CCSER1: variants seen among roughly 807,000 people sequenced by gnomAD.
The protein encoded by CCSER1 is serine-rich coiled-coil domain-containing protein 1.
CCSER1 carries 41 observed loss-of-function variants against 82.0 expected under a neutral mutation model. That is an observed-to-expected ratio of 0.50 (90% CI 0.39 to 0.65). CCSER1 has a LOEUF of 0.65. Ranked by LOEUF, CCSER1 falls within the 30% of genes least tolerant of loss-of-function variation. The probability of loss-of-function intolerance (pLI) is 0.00; values close to 1 mark genes in which losing one functional copy is unlikely to be tolerated. For synonymous variants in CCSER1, 414 were observed against 383.9 expected (o/e 1.08, Z -0.92); for missense variants, 1,119 against 1,064.2 (o/e 1.05, Z -0.72).
intron 4 of CCSER1, among the ~76,000 whole-genome samples, chr4:90,405,728 T>C (rs572005278): frequency 3.0e-4 from 46 of 152,108 alleles, no homozygotes; most frequent in Non-Finnish European, 6.5e-4. Flanking sequence ...AACAAAACAA[T>C]TATCAGACAA....
At chr4:91,425,589 A>C (rs1560660938) in intron 10 of CCSER1, among the ~76,000 whole-genome samples, 1 of 152,056 alleles carries the variant, frequency 6.6e-6, no homozygotes, top group Non-Finnish European at 1.5e-5. Context: ...CTTTAGGACA[A>C]AATGGTCACT....
intron 3 of CCSER1, among the ~76,000 whole-genome samples, chr4:90,335,723 A>G (rs1340025136): frequency 6.6e-6 from 1 of 152,208 alleles, no homozygotes; most frequent in East Asian, 1.9e-4. Context: ...GTGCACTTTT[A>G]GTAAATGGAT....
At position 90,662,000 on chromosome 4, in the gene CCSER1, C is replaced by CTTTCT. The variant is rs1553975492; in HGVS notation, c.1932+33771_1932+33772insCTTTT. Among the ~76,000 whole-genome samples, 437 of 136,166 alleles carry CTTTCT rather than the reference C, an allele frequency of 3.2e-3. 17 individuals are homozygous for CTTTCT. The East Asian group carries it at 0.089, about 28-fold the overall frequency. 89.3% of individuals were successfully genotyped at this position (136,166 alleles called of 152,430 possible). A position where few individuals can be genotyped will look rare whatever the true frequency, so the allele number is the denominator to read the frequency against. ...TATACCACTCTTTGTTTCTTTCTTTCTTTTTTTTTTTTTTTTGAGACTTAG... is the reference window on the plus strand; with the variant it reads ...TATACCACTCTTTGTTTCTTTCTTTCTTTCTTTTTTTTTTTTTTTTTGAGACTTAG... On this transcript the variant is annotated intron_variant, in intron 6 of 10. Coordinates refer to ENST00000509176, the MANE Select transcript of CCSER1 (RefSeq NM_001145065.2).
At chr4:90,868,599 C>T (rs2150019714) in intron 8 of CCSER1, among the ~76,000 whole-genome samples, 1 of 152,180 alleles carries the variant, frequency 6.6e-6, no homozygotes, top group Admixed American at 6.6e-5. Flanking sequence ...ATCTGTTCCT[C>T]TGTCGATAGA....
chr4:91,299,387 A>G (rs1043903125), intron 10 of CCSER1, among the ~76,000 whole-genome samples: 4 of 151,982 alleles, frequency 2.6e-5, no homozygotes, highest in African/African-American at 7.2e-5. Flanking sequence ...GCCCAACTAT[A>G]CCTTTTTGGT....
chr4:91,044,663 C>A (rs1219854552), intron 9 of CCSER1, among the ~76,000 whole-genome samples: 1 of 152,108 alleles, frequency 6.6e-6, no homozygotes, highest in Non-Finnish European at 1.5e-5. Context: ...ACAAGTTTTT[C>A]TATTTGCCTG....
chr4:91,171,837 AAAT>A (rs539774136), intron 10 of CCSER1, among the ~76,000 whole-genome samples: 445 of 152,252 alleles, frequency 2.9e-3, no homozygotes, highest in African/African-American at 9.9e-3. Context: ...TCACCATGAA[AAAT>A]AATAATTTTG....
chr4:90,297,676 C>T (rs1160737666), intron 1 of CCSER1, among the ~76,000 whole-genome samples: 1 of 151,656 alleles, frequency 6.6e-6, no homozygotes, highest in East Asian at 1.9e-4. Flanking sequence ...CCATCAACAC[C>T]TAATTTATTG....
intron 10 of CCSER1, among the ~76,000 whole-genome samples, chr4:91,168,368 C>G (rs1732379428): frequency 6.8e-6 from 1 of 148,018 alleles, no homozygotes; most frequent in African/African-American, 2.5e-5. Context: ...CCCAGCCACC[C>G]CATCTGGGAT....
intron 10 of CCSER1, among the ~76,000 whole-genome samples, chr4:91,146,899 C>T (rs1487410332): frequency 6.6e-6 from 1 of 152,158 alleles, no homozygotes; most frequent in Non-Finnish European, 1.5e-5. Flanking sequence ...CAGCAATGCT[C>T]TGGGAAAGGG....
intron 5 of CCSER1, among the ~76,000 whole-genome samples, chr4:90,491,047 AT>A (rs1396989976): frequency 2.0e-5 from 3 of 152,136 alleles, no homozygotes; most frequent in African/African-American, 7.2e-5. Context: ...GTTTTTTCCA[AT>A]TCTGTGAAGA....
intron 10 of CCSER1, among the ~76,000 whole-genome samples, chr4:91,390,627 A>G (rs1048155015): frequency 6.6e-6 from 1 of 151,862 alleles, no homozygotes; most frequent in Non-Finnish European, 1.5e-5. Flanking sequence ...TTATACTTTT[A>G]TCTTCTGAAT....
intron 7 of CCSER1, among the ~76,000 whole-genome samples, chr4:90,792,520 G>A (rs1755397755): frequency 6.6e-6 from 1 of 152,194 alleles, no homozygotes; most frequent in Non-Finnish European, 1.5e-5. Context: ...CTTTCTTCCA[G>A]GAGGATGGCA....
Position 90,422,442 on chromosome 4 carries a change from G to T in CCSER1, c.1603+22313G>T, listed in dbSNP as rs114969641. Among the ~76,000 whole-genome samples, 1,179 of 152,044 alleles carry T rather than the reference G, an allele frequency of 7.8e-3. 15 individuals are homozygous for T. The highest frequency in any genetic ancestry group is 0.027 in the African/African-American group (1,106 of 41,472). ...ACCCTCATCTTTACAAAACATAAAA[G>T]AAATTATCCAAGCATGGTGGCATGC... On this transcript the variant is annotated intron_variant, in intron 4 of 10. Coordinates refer to ENST00000509176, the MANE Select transcript of CCSER1 (RefSeq NM_001145065.2).
At chr4:90,704,891 G>C (rs1380726593) in intron 6 of CCSER1, among the ~76,000 whole-genome samples, 2 of 152,082 alleles carry the variant, frequency 1.3e-5, no homozygotes, top group Non-Finnish European at 2.9e-5. Context: ...TTTTTTCAAG[G>C]TTTTTAGCTT....
chr4:90,543,229 C>T (rs559179068), intron 5 of CCSER1, among the ~76,000 whole-genome samples: 8 of 151,976 alleles, frequency 5.3e-5, no homozygotes, highest in Non-Finnish European at 1.0e-4. Flanking sequence ...TACATGGAGC[C>T]GAAAGAATAT....
intron 5 of CCSER1, among the ~76,000 whole-genome samples, chr4:90,588,308 C>T (rs1334443089): frequency 2.0e-5 from 3 of 152,184 alleles, no homozygotes; most frequent in South Asian, 2.1e-4. Context: ...AAACCCTGCT[C>T]CTGCTTTATC....
At chr4:90,434,564 T>C (rs1758755824) in intron 4 of CCSER1, among the ~76,000 whole-genome samples, 1 of 152,100 alleles carries the variant, frequency 6.6e-6, no homozygotes, top group Non-Finnish European at 1.5e-5. Context: ...TTTGTTGAGC[T>C]GAGAAGGAAA....
At chr4:91,547,356 T>G (rs1360256497) in intron 10 of CCSER1, among the ~76,000 whole-genome samples, 1 of 152,216 alleles carries the variant, frequency 6.6e-6, no homozygotes, top group East Asian at 1.9e-4. Context: ...CTGTCAGGTT[T>G]TGTTTCACAT....
Sources: gnomAD v4.1 joint callset for allele counts (sites outside exome capture counted in the v4.1 genomes callset) on GRCh38, gnomAD v4.1.1 for gene constraint, MANE v1.5 for transcripts, NCBI Gene and HGNC (gene_info 2026-07-23, HGNC 2026-07-21) for gene names.